SOCS4: variants seen among roughly 807,000 people sequenced by gnomAD.
SOCS4 encodes the protein suppressor of cytokine signaling 4.
In SOCS4, 20 loss-of-function variants were observed where a neutral mutation model predicts 34.1. The observed-to-expected ratio is 0.59, with a 90% CI of 0.41 to 0.85. The LOEUF is 0.85. Ranked by LOEUF, SOCS4 falls within the 40% of genes least tolerant of loss-of-function variation. The pLI is 0.00. For missense variants in SOCS4, 479 were observed against 532.4 expected (o/e 0.90, Z 0.99); for synonymous variants, 180 against 186.4 (o/e 0.97, Z 0.28).
At chr14:55,033,486 GCA>G (rs747623695) in intron 2 of SOCS4, among the ~76,000 whole-genome samples, 2 of 152,094 alleles carry the variant, frequency 1.3e-5, no homozygotes, top group African/African-American at 2.4e-5. Context: ...TCTCTCCATA[GCA>G]CACAGTTATT....
Position 55,049,222 on chromosome 14 carries a change from T to G in SOCS4, c.*4858T>G, listed in dbSNP as rs2042704090. 1 of 167,096 alleles carries G rather than the reference T, an allele frequency of 6.0e-6. No individual in the cohort carries two copies. Among genetic ancestry groups the G allele is most frequent in the Non-Finnish European group, 1.5e-5 (1 of 68,122 alleles). 10.4% of individuals were successfully genotyped at this position (167,096 alleles called of 1,614,324 possible). On this transcript the variant is annotated 3_prime_UTR_variant, in exon 3 of 3. Transcript: ENST00000555846. ...GGTGTAAAACTCAAGGAGGTTTATT[T>G]AAATTATGCTGACTTTGCTAGAATT...
rs2042693056 is a variant in SOCS4 at position 55,048,111 on chromosome 14, G to T, written c.*3747G>T. 1 of 164,784 alleles carries T rather than the reference G, an allele frequency of 6.1e-6. No individual in the cohort carries two copies. Among genetic ancestry groups the T allele is most frequent in the Non-Finnish European group, 1.5e-5 (1 of 68,118 alleles). 10.2% of individuals were successfully genotyped at this position (164,784 alleles called of 1,614,324 possible). Reference sequence around the variant, plus strand: ...AATTTTTGTATTTTTAGTAGCGATGGTGTTTCACTACATTGGCCAGGCTGG... The same window carrying T: ...AATTTTTGTATTTTTAGTAGCGATGTTGTTTCACTACATTGGCCAGGCTGG... On this transcript the variant is annotated 3_prime_UTR_variant, in exon 3 of 3. Coordinates refer to ENST00000555846, the MANE Select transcript of SOCS4 (RefSeq NM_199421.2).
Position 55,041,783 on chromosome 14 carries a change from C to CTTTTTTTTTTTTTTTTTTTTTTTTTTTT in SOCS4, c.-90-1143_-90-1142insTTTTTTTTTTTTTTTTTTTTTTTTTTTT, listed in dbSNP as rs35998700. Among the ~76,000 whole-genome samples, 13 of 40,080 alleles carry CTTTTTTTTTTTTTTTTTTTTTTTTTTTT rather than the reference C, an allele frequency of 3.2e-4. 1 individual carries two copies. Among genetic ancestry groups the CTTTTTTTTTTTTTTTTTTTTTTTTTTTT allele is most frequent in the East Asian group, 1.1e-3 (1 of 894 alleles). 26.3% of individuals were successfully genotyped at this position (40,080 alleles called of 152,430 possible). On this transcript the variant is annotated intron_variant, in intron 2 of 2. Coordinates refer to ENST00000555846, the MANE Select transcript of SOCS4 (RefSeq NM_199421.2). ...CCACCGTGCCCAGCCAACCCTTAAT[C>CTTTTTTTTTTTTTTTTTTTTTTTTTTTT]TTTTTTTTTTTTTTTTTTTTTTTTT...
chr14:55,041,146 A>G (rs1047000242), intron 2 of SOCS4, among the ~76,000 whole-genome samples: 3 of 152,100 alleles, frequency 2.0e-5, no homozygotes, highest in Admixed American at 6.5e-5. Flanking sequence ...TGGCCTCCCA[A>G]AGTGCTGAGA....
At position 55,031,887 on chromosome 14, in the gene SOCS4, A is replaced by G. The variant is rs2042531902; in HGVS notation, c.-195A>G. 1 of 152,184 alleles carries G rather than the reference A, an allele frequency of 6.6e-6. No homozygotes were observed. The highest frequency in any genetic ancestry group is 1.5e-5 in the Non-Finnish European group (1 of 68,034). 9.4% of individuals were successfully genotyped at this position (152,184 alleles called of 1,614,324 possible). A position where few individuals can be genotyped will look rare whatever the true frequency, so the allele number is the denominator to read the frequency against. The stretch of plus-strand genomic sequence containing the variant: ...GGAGTTCATCTGTTGTCTGCTCTCC[A>G]GTGACTTCCGTTTGTGGAGCCTAAG... On this transcript the variant is annotated 5_prime_UTR_variant, in exon 2 of 3. Transcript: ENST00000555846.
rs2042681029 is a variant in SOCS4, at chr14:55,046,853, A to G, written c.*2489A>G. ...AGTAATAATTTTTTTTAAAACATTA[A>G]GGAATTGGAATTCAGAAAGGTTACC... On this transcript the variant is annotated 3_prime_UTR_variant, in exon 3 of 3. Transcript: ENST00000555846. 1 of 167,082 alleles carries G rather than the reference A, an allele frequency of 6.0e-6. No homozygotes were observed. The highest frequency in any genetic ancestry group is 1.9e-4 in the East Asian group (1 of 5,210). The allele number at this position is 167,082 out of a possible 1,614,324, so 10.3% of individuals were successfully genotyped here. A position where few individuals can be genotyped will look rare whatever the true frequency, so the allele number is the denominator to read the frequency against.
In SOCS4 at chr14:55,043,390, C is replaced by A. The variant is rs774779696; in HGVS notation, c.349C>A (p.Pro117Thr). 6.2e-7 allele frequency: 1 copy of A among 1,614,160 alleles called. No individual in the cohort carries two copies. The highest frequency in any genetic ancestry group is 8.5e-7 in the Non-Finnish European group (1 of 1,180,028). ...NCSSRHSSGLPSKRKIHISEL... is the reference protein window; with the variant it reads ...NCSSRHSSGLTSKRKIHISEL... Reference sequence around the variant, plus strand: ...TAGTAGTCGGCACTCTTCAGGGCTTCCGTCTAAAAGGAAAATTCATATCAG... The same window carrying A: ...TAGTAGTCGGCACTCTTCAGGGCTTACGTCTAAAAGGAAAATTCATATCAG... The change falls in exon 3 of 3, where the codon CCG becomes ACG. Residue 117 changes from proline to threonine, a missense_variant. Transcript: ENST00000555846.
At position 55,045,313 on chromosome 14, in the gene SOCS4, C is replaced by A. The variant is rs1036265354; in HGVS notation, c.*949C>A. On this transcript the variant is annotated 3_prime_UTR_variant, in exon 3 of 3. Transcript: ENST00000555846. ...TCTGAGCTGTTACTTTGGGGAAATT[C>A]CACAATGTATTAGCAGCCACAAATT... The A allele has an allele frequency of 6.0e-6, 1 of 166,880 alleles. No individual in the cohort carries two copies. Among genetic ancestry groups the A allele is most frequent in the Admixed American group, 6.6e-5 (1 of 15,264 alleles). The allele number at this position is 166,880 out of a possible 1,614,324, so 10.3% of individuals were successfully genotyped here.
chr14:55,028,149 C>T (rs1347026643), intron 1 of SOCS4, among the ~76,000 whole-genome samples: 1 of 152,022 alleles, frequency 6.6e-6, no homozygotes, highest in Non-Finnish European at 1.5e-5. Flanking sequence ...GAAGAGGTTT[C>T]CCTATTGTTT....
intron 2 of SOCS4, among the ~76,000 whole-genome samples, chr14:55,038,430 C>A (rs1162197178): frequency 2.0e-5 from 3 of 152,122 alleles, no homozygotes; most frequent in Non-Finnish European, 4.4e-5. Context: ...GGTCTTCTAG[C>A]TTTTTATTGG....
At chr14:55,039,930 A>G (rs1222662904) in intron 2 of SOCS4, among the ~76,000 whole-genome samples, 1 of 152,168 alleles carries the variant, frequency 6.6e-6, no homozygotes, top group African/African-American at 2.4e-5. Context: ...ACAGCTAGAG[A>G]GCTTAGCTCT....
intron 1 of SOCS4, among the ~76,000 whole-genome samples, chr14:55,028,143 AG>A (rs1442731541): frequency 6.6e-6 from 1 of 152,124 alleles, no homozygotes; most frequent in African/African-American, 2.4e-5. Context: ...TCTGTTGAAG[AG>A]GTTTCCCTAT....
chr14:55,040,763 T>C (rs1426687207), intron 2 of SOCS4, among the ~76,000 whole-genome samples: 1 of 152,110 alleles, frequency 6.6e-6, no homozygotes, highest in African/African-American at 2.4e-5. Context: ...AGAGAGTTAT[T>C]ATACTGTATT....
Position 55,031,502 on chromosome 14 carries a change from TATTTGAC to T in SOCS4, c.-219-359_-219-353del, listed in dbSNP as rs569960518. ...TGAGAGAAGAAGCATTTCCCAAACT[TATTTGAC>T]AAGAGAACCTTTTTTTCTCCAGAAT... On this transcript the variant is annotated intron_variant, in intron 1 of 2. Transcript: ENST00000555846. 8.7e-3 allele frequency among the ~76,000 whole-genome samples: 1,321 copies of T among 152,322 alleles called. 6 individuals carry two copies. Among genetic ancestry groups the T allele is most frequent in the Admixed American group, 0.015 (237 of 15,306 alleles).
chr14:55,042,127 T>G (rs1053120510), intron 2 of SOCS4, among the ~76,000 whole-genome samples: 2 of 152,146 alleles, frequency 1.3e-5, no homozygotes, highest in African/African-American at 2.4e-5. Flanking sequence ...TTAAGTAAAT[T>G]CCATTTACAA....
chr14:55,041,783 CTTTTTTTTT>C (rs35998700), intron 2 of SOCS4, among the ~76,000 whole-genome samples: 8 of 40,080 alleles, frequency 2.0e-4, no homozygotes, highest in South Asian at 1.8e-3. Context: ...AACCCTTAAT[CTTTTTTTTT>C]TTTTTTTTTT....
At position 55,041,783 on chromosome 14, in the gene SOCS4, C is replaced by CTTTTTTTTTTTTTTTTTTTTTTTTTTT. The variant is rs35998700; in HGVS notation, c.-90-1143_-90-1142insTTTTTTTTTTTTTTTTTTTTTTTTTTT. Among the ~76,000 whole-genome samples the CTTTTTTTTTTTTTTTTTTTTTTTTTTT allele has an allele frequency of 6.5e-4, 26 of 40,082 alleles. 5 individuals are homozygous for CTTTTTTTTTTTTTTTTTTTTTTTTTTT. Among genetic ancestry groups the CTTTTTTTTTTTTTTTTTTTTTTTTTTT allele is most frequent in the Non-Finnish European group, 9.0e-4 (19 of 21,042 alleles). The allele number at this position is 40,082 out of a possible 152,430, so 26.3% of individuals were successfully genotyped here. A position where few individuals can be genotyped will look rare whatever the true frequency, so the allele number is the denominator to read the frequency against. ...CCACCGTGCCCAGCCAACCCTTAAT[C>CTTTTTTTTTTTTTTTTTTTTTTTTTTT]TTTTTTTTTTTTTTTTTTTTTTTTT... On this transcript the variant is annotated intron_variant, in intron 2 of 2. Coordinates refer to ENST00000555846, the MANE Select transcript of SOCS4 (RefSeq NM_199421.2).
chr14:55,032,688 A>T (rs539424332), intron 2 of SOCS4, among the ~76,000 whole-genome samples: 1 of 152,168 alleles, frequency 6.6e-6, no homozygotes, highest in Non-Finnish European at 1.5e-5. Flanking sequence ...ACAGTCAAAG[A>T]TCTTTGATTT....
intron 2 of SOCS4, among the ~76,000 whole-genome samples, chr14:55,041,793 T>A (rs1237561320): frequency 8.9e-6 from 1 of 112,840 alleles, no homozygotes; most frequent in Non-Finnish European, 1.8e-5. Context: ...CTTTTTTTTT[T>A]TTTTTTTTTT....
Sources: allele counts gnomAD v4.1 joint callset (sites outside exome capture counted in the v4.1 genomes callset), GRCh38; gene constraint gnomAD v4.1.1; transcripts MANE v1.5; gene names NCBI Gene and HGNC (gene_info 2026-07-23, HGNC 2026-07-21).